The following RANBP2 variants were observed in gnomAD, a reference collection of about 807,000 sequenced individuals.
RANBP2 encodes the protein E3 SUMO-protein ligase RanBP2.
Under a neutral mutation model 303.6 loss-of-function variants are expected in RANBP2, and 57 were observed. The observed-to-expected ratio is 0.19, with a 90% CI of 0.15 to 0.23. The LOEUF (loss-of-function observed/expected upper bound fraction) is 0.23, where lower values mean the gene tolerates loss of function less well. Ranked by LOEUF, RANBP2 falls within the 10% of genes least tolerant of loss-of-function variation. The probability of loss-of-function intolerance (pLI) is 1.00; values close to 1 mark genes in which losing one functional copy is unlikely to be tolerated. For missense variants in RANBP2, 3,138 were observed against 3,780.8 expected, an observed-to-expected ratio of 0.83 and a Z score of 4.46; for synonymous variants, 1,167 against 1,301.5, an observed-to-expected ratio of 0.90 and a Z score of 2.23.
At chr2:109,367,366 C>G in the RANBP2 span, among the ~76,000 whole-genome samples, 3 of 152,186 alleles carry the variant, frequency 2.0e-5, no homozygotes, top group Non-Finnish European at 4.4e-5. Context: ...ACTGCAACCT[C>G]TGCCTCCTGG....
At chr2:108,880,229 A>G in the RANBP2 span, among the ~76,000 whole-genome samples, 2 of 152,014 alleles carry the variant, frequency 1.3e-5, no homozygotes, top group Admixed American at 6.5e-5. Context: ...ACAAACAAAA[A>G]AAAAAACGAG....
chr2:109,618,864 A>G, the RANBP2 span: 3 of 167,074 alleles, frequency 1.8e-5, no homozygotes, highest in Non-Finnish European at 4.4e-5. Context: ...ATCTGGTACT[A>G]GTTTTTTCAC....
the RANBP2 span, among the ~76,000 whole-genome samples, chr2:109,137,789 G>C: frequency 6.6e-6 from 1 of 152,182 alleles, no homozygotes; most frequent in East Asian, 1.9e-4. Context: ...AGACTAATCG[G>C]TTAATCCTCC....
the RANBP2 span, chr2:109,129,304 C>G: frequency 1.3e-6 from 1 of 757,166 alleles, no homozygotes; most frequent in Admixed American, 2.3e-5. Context: ...AGGCGCTGCG[C>G]TCAGGACTGG....
chr2:109,129,352 TCCCC>T, the RANBP2 span: 14 of 871,124 alleles, frequency 1.6e-5, no homozygotes, highest in African/African-American at 1.9e-4. Flanking sequence ...CGCAGGCCGG[TCCCC>T]GCCACGCAGG....
At chr2:109,479,074 G>A in the RANBP2 span, among the ~76,000 whole-genome samples, 73,163 of 152,006 alleles carry the variant, frequency 0.48, 18,868 homozygotes, top group Non-Finnish European at 0.56. Flanking sequence ...CTGGAACCTT[G>A]GCCGGGCTGC....
At chr2:109,378,923 T>C in the RANBP2 span, among the ~76,000 whole-genome samples, 20 of 152,346 alleles carry the variant, frequency 1.3e-4, no homozygotes, top group South Asian at 2.3e-3. Flanking sequence ...CAGGGGACTT[T>C]CTGCAGATCT....
At chr2:109,051,640 A>G in the RANBP2 span, among the ~76,000 whole-genome samples, 2 of 152,276 alleles carry the variant, frequency 1.3e-5, no homozygotes, top group African/African-American at 4.8e-5. Context: ...TTTTTTTCAA[A>G]TTTCAAAAAA....
chr2:109,679,145 C>T, the RANBP2 span, among the ~76,000 whole-genome samples: 1 of 152,318 alleles, frequency 6.6e-6, no homozygotes, highest in South Asian at 2.1e-4. Flanking sequence ...CCACACTAAA[C>T]AGCAAAATCA....
At chr2:109,200,893 T>C in the RANBP2 span, among the ~76,000 whole-genome samples, 1 of 152,212 alleles carries the variant, frequency 6.6e-6, no homozygotes. Context: ...TGCTGTTTCA[T>C]GTCACTCCTC....
At chr2:109,140,892 C>CT in the RANBP2 span, among the ~76,000 whole-genome samples, 1 of 152,178 alleles carries the variant, frequency 6.6e-6, no homozygotes, top group East Asian at 1.9e-4. Flanking sequence ...CCACTTGGTA[C>CT]TATCACTGCT....
At chr2:109,047,513 A>G in the RANBP2 span, among the ~76,000 whole-genome samples, 22 of 152,228 alleles carry the variant, frequency 1.4e-4, no homozygotes, top group South Asian at 1.2e-3. Context: ...ACAAACAAAC[A>G]AACAAACAAA....
At chr2:109,615,130 C>G in the RANBP2 span, 2 of 1,549,696 alleles carry the variant, frequency 1.3e-6, no homozygotes, top group East Asian at 4.9e-5. Flanking sequence ...GGCAGCTCCC[C>G]GCAGCTGAAG....
the RANBP2 span, among the ~76,000 whole-genome samples, chr2:109,641,951 G>C: frequency 6.6e-6 from 1 of 152,112 alleles, no homozygotes; most frequent in Non-Finnish European, 1.5e-5. Flanking sequence ...GATTACAGGC[G>C]CCTGCCACCA....
chr2:108,834,833 A>G, the RANBP2 span, among the ~76,000 whole-genome samples: 1 of 152,162 alleles, frequency 6.6e-6, no homozygotes. Flanking sequence ...TAAGTATCTC[A>G]TGTAAGTGGC....
chr2:109,327,111 G>C, the RANBP2 span, among the ~76,000 whole-genome samples: 1 of 152,068 alleles, frequency 6.6e-6, no homozygotes, highest in East Asian at 1.9e-4. Flanking sequence ...TCAGTGTTTT[G>C]TGTCTTATTT....
At chr2:109,411,637 G>A in the RANBP2 span, among the ~76,000 whole-genome samples, 2 of 152,162 alleles carry the variant, frequency 1.3e-5, no homozygotes, top group Non-Finnish European at 2.9e-5. Flanking sequence ...TGAGGGCAGA[G>A]CCCAGCCCAG....
At chr2:109,088,459 T>G in the RANBP2 span, among the ~76,000 whole-genome samples, 981 of 150,830 alleles carry the variant, frequency 6.5e-3, 14 homozygotes, top group African/African-American at 0.022. Flanking sequence ...GGTAGTTAAA[T>G]TAATCACCTA....
chr2:109,670,689 C>T, the RANBP2 span, among the ~76,000 whole-genome samples: 1 of 152,204 alleles, frequency 6.6e-6, no homozygotes, highest in East Asian at 1.9e-4. Flanking sequence ...GAATCCTGAG[C>T]ATGGCAGGGC....
Sources: gnomAD v4.1 joint callset for allele counts (sites outside exome capture counted in the v4.1 genomes callset) on GRCh38, gnomAD v4.1.1 for gene constraint, MANE v1.5 for transcripts, NCBI Gene and HGNC (gene_info 2026-07-23, HGNC 2026-07-21) for gene names.